Variants in DMXL1 observed in about 807,000 individuals in gnomAD.
DMXL1 encodes dmX-like protein 1.
A neutral mutation model predicts 319.2 loss-of-function variants in DMXL1; 99 were observed. That is an observed-to-expected ratio of 0.31 (90% CI 0.26 to 0.37). The LOEUF (loss-of-function observed/expected upper bound fraction) is 0.37, where lower values mean the gene tolerates loss of function less well. Ranked by LOEUF, DMXL1 falls within the 10% of genes least tolerant of loss-of-function variation. The probability of loss-of-function intolerance (pLI) is 1.00; values close to 1 mark genes in which losing one functional copy is unlikely to be tolerated. For missense variants in DMXL1, 3,745 were observed against 3,595.6 expected (o/e 1.04, Z -1.06); for synonymous variants, 1,385 against 1,235.2 (o/e 1.12, Z -2.54).
At position 119,237,366 on chromosome 5, in the gene DMXL1, A is replaced by C. The variant is rs751342441; in HGVS notation, c.8511A>C (p.Thr2837=). 6.2e-7 allele frequency: 1 copy of C among 1,604,414 alleles called. No individual in the cohort carries two copies. The highest frequency in any genetic ancestry group is 2.2e-5 in the East Asian group (1 of 44,688). Reference sequence around the variant, plus strand: ...ATGGATATTTAAGTTTGTATCAAACAAACTGGAAATGTTGTCCAGTTACTG... The same window carrying C: ...ATGGATATTTAAGTTTGTATCAAACCAACTGGAAATGTTGTCCAGTTACTG... ...DADGYLSLYQ[T]NWKCCPVTGS... is the part of the protein sequence containing the mutation. The change falls in exon 40 of 44, where the codon ACA becomes ACC. Residue 2837 remains threonine, a synonymous_variant. Coordinates refer to ENST00000539542, the MANE Select transcript of DMXL1 (RefSeq NM_001290321.3).
chr5:119,171,145 A>G lies in DMXL1; in HGVS notation c.6354A>G (p.Glu2118=), dbSNP rs774306877. ...AACAACTGAGAGAAAATTTTCAGGA[A>G]AAAAGACAGTGGCTCTTGAAGTATC... ...KVKQLRENFQ[E]KRQWLLKYQS... The change falls in exon 24 of 44, where the codon GAA becomes GAG. Residue 2118 remains glutamate, a synonymous_variant. Transcript: ENST00000539542. 1 of 1,614,006 alleles carries G rather than the reference A, an allele frequency of 6.2e-7. No homozygotes were observed. The highest frequency in any genetic ancestry group is 2.2e-5 in the East Asian group (1 of 44,872).
chr5:119,177,946 A>G lies in DMXL1; in HGVS notation c.6887-50A>G, dbSNP rs771629454. ...TTAGAAAAATATAGTTAATTTTTAA[A>G]ATTTTAAAAATTTATAGTCAGTGAC... On this transcript the variant is annotated intron_variant, in intron 27 of 43. Coordinates refer to ENST00000539542, the MANE Select transcript of DMXL1 (RefSeq NM_001290321.3). 4.7e-6 allele frequency: 7 copies of G among 1,478,356 alleles called. No homozygotes were observed. The African/African-American group carries it at 8.6e-5, about 18-fold the overall frequency. 91.6% of individuals were successfully genotyped at this position (1,478,356 alleles called of 1,614,324 possible). A position where few individuals can be genotyped will look rare whatever the true frequency, so the allele number is the denominator to read the frequency against.
In DMXL1 at chr5:119,149,327, C is replaced by T; in HGVS notation, c.3500C>T (p.Pro1167Leu). The change falls in exon 18 of 44, where the codon CCC becomes CTC. Residue 1167 changes from proline (P) to leucine (L), a missense_variant. Physicochemically the swap from Pro to Leu is moderately conservative, Grantham distance 98 (BLOSUM62 -3). Coordinates refer to ENST00000539542, the MANE Select transcript of DMXL1 (RefSeq NM_001290321.3). ...GIGSKLFMYG[P>L]LAGKVQDQTG... ...GGATCAAAACTTTTTATGTATGGAC[C>T]CCTGGCTGGCAAGGTACAAGACCAA... The T allele has an allele frequency of 6.2e-7, 1 of 1,613,838 alleles. No individual in the cohort carries two copies. The highest frequency in any genetic ancestry group is 8.5e-7 in the Non-Finnish European group (1 of 1,179,882).
At chr5:119,075,445 G>C (rs1476218178) in intron 1 of DMXL1, among the ~76,000 whole-genome samples, 2 of 151,500 alleles carry the variant, frequency 1.3e-5, no homozygotes, top group African/African-American at 4.8e-5. Flanking sequence ...CATCATGTTG[G>C]CCAGGCTGGT....
intron 1 of DMXL1, among the ~76,000 whole-genome samples, chr5:119,089,052 A>G (rs993748133): frequency 4.0e-5 from 6 of 151,386 alleles, no homozygotes; most frequent in African/African-American, 9.7e-5. Flanking sequence ...CATTTTTGCA[A>G]GTCTTAATGG....
At chr5:119,164,832 A>G (rs556869605) in intron 20 of DMXL1, among the ~76,000 whole-genome samples, 156 bp downstream of exon 20, 14 of 152,358 alleles carry the variant, frequency 9.2e-5, no homozygotes, top group South Asian at 2.1e-4. Flanking sequence ...GTGTTTCAAA[A>G]TATCTAAAGT....
chr5:119,096,936 T>G (rs777563442), intron 1 of DMXL1, among the ~76,000 whole-genome samples: 1 of 152,216 alleles, frequency 6.6e-6, no homozygotes, highest in Non-Finnish European at 1.5e-5. Flanking sequence ...TTTTTGGAAT[T>G]TAACTTTTAA....
At position 119,113,916 on chromosome 5, in the gene DMXL1, G is replaced by A. The variant is rs115978062; in HGVS notation, c.498-559G>A. Among the ~76,000 whole-genome samples the A allele has an allele frequency of 4.1e-3, 630 of 152,314 alleles. 6 individuals are homozygous for A. Among genetic ancestry groups the A allele is most frequent in the African/African-American group, 0.015 (610 of 41,562 alleles). On this transcript the variant is annotated intron_variant, in intron 5 of 43. Transcript: ENST00000539542. ...AAGGAAAGCAGTGATAGTGGTGAGTGTCTTGAGATCAGTATATATGAGTAG... is the reference window on the plus strand; with the variant it reads ...AAGGAAAGCAGTGATAGTGGTGAGTATCTTGAGATCAGTATATATGAGTAG...
rs1769241795 is a variant in DMXL1, at chr5:119,149,243, T to C, written c.3416T>C (p.Leu1139Ser). 1 of 1,613,852 alleles carries C rather than the reference T, an allele frequency of 6.2e-7. No individual in the cohort carries two copies. Among genetic ancestry groups the C allele is most frequent in the Non-Finnish European group, 8.5e-7 (1 of 1,179,900 alleles). The change falls in exon 18 of 44, where the codon TTA (leucine) becomes TCA (serine). Residue 1139 changes from leucine (L) to serine (S), a missense_variant. Leu to Ser is a moderately radical substitution (Grantham distance 145). Transcript: ENST00000539542. Reference protein sequence around the residue: ...KENITSNTKHLVHLDWMSRED... With the variant: ...KENITSNTKHSVHLDWMSRED... ...AATATCACATCAAACACAAAGCATT[T>C]AGTTCACTTAGATTGGATGTCTAGA... is the stretch of plus-strand genomic sequence containing the variant.
intron 10 of DMXL1, among the ~76,000 whole-genome samples, 180 bp downstream of exon 10, chr5:119,129,603 A>T (rs561124105): frequency 1.3e-5 from 2 of 152,180 alleles, no homozygotes; most frequent in East Asian, 3.8e-4. Context: ...TTTCTTCCAC[A>T]TGGTTATTTA....
At chr5:119,117,587 G>T (rs1037635217) in intron 7 of DMXL1, among the ~76,000 whole-genome samples, 1 of 152,034 alleles carries the variant, frequency 6.6e-6, no homozygotes. Flanking sequence ...GAAGGGAGAG[G>T]TAGGGGACAG....
Position 119,085,167 on chromosome 5 carries a change from A to C in DMXL1, c.88-12812A>C, listed in dbSNP as rs143189358. 1.7e-3 allele frequency among the ~76,000 whole-genome samples: 260 copies of C among 151,952 alleles called. 1 individual carries two copies. Among genetic ancestry groups the C allele is most frequent in the African/African-American group, 6.1e-3 (252 of 41,448 alleles). ...AGCATGGTGAAACCCCGTCTCTATT[A>C]AAAATACAAAAAAATTAGCCAGGCA... On this transcript the variant is annotated intron_variant, in intron 1 of 43. Coordinates refer to ENST00000539542, the MANE Select transcript of DMXL1 (RefSeq NM_001290321.3).
chr5:119,240,004 C>T (rs1468830825), intron 41 of DMXL1, among the ~76,000 whole-genome samples: 1 of 151,128 alleles, frequency 6.6e-6, no homozygotes, highest in African/African-American at 2.4e-5. Context: ...CATGTTGGCT[C>T]ATGCCTGTAA....
At chr5:119,167,105 A>G (rs897035794) in intron 22 of DMXL1, among the ~76,000 whole-genome samples, 1 of 152,150 alleles carries the variant, frequency 6.6e-6, no homozygotes, top group African/African-American at 2.4e-5. Context: ...GCTCTCTATT[A>G]TTTGATGAAT....
intron 17 of DMXL1, among the ~76,000 whole-genome samples, chr5:119,147,920 G>T (rs1768944436): frequency 6.6e-6 from 1 of 152,146 alleles, no homozygotes; most frequent in Non-Finnish European, 1.5e-5. Context: ...TTAGAAATTG[G>T]CCACTCCATT....
chr5:119,082,022 C>CAT (rs1561535726), intron 1 of DMXL1, among the ~76,000 whole-genome samples: 1 of 34,986 alleles, frequency 2.9e-5, no homozygotes, highest in Non-Finnish European at 7.5e-5. Flanking sequence ...TATATATATA[C>CAT]ACACACACAC....
At chr5:119,206,652 C>G (rs901951965) in intron 33 of DMXL1, 182 bp from the exon 34 acceptor site, 3 of 416,150 alleles carry the variant, frequency 7.2e-6, no homozygotes, top group African/African-American at 6.2e-5. Context: ...TGCTCATTTC[C>G]TAACCATGCA....
At position 119,178,041 on chromosome 5, in the gene DMXL1, C is replaced by T; in HGVS notation, c.6932C>T (p.Ala2311Val). The change falls in exon 28 of 44, where the codon GCC (alanine) becomes GTC (valine). Residue 2311 changes from alanine to valine, a missense_variant. By Grantham distance (64) the Ala-to-Val change is moderately conservative. Around this residue, in one of 4 missense-constraint regions of DMXL1, gnomAD observed 1,382 missense variants for 1,269.5 expected, o/e 1.09. Transcript: ENST00000539542. ...CTTTTGAATTCTTCTGGCGAGGAAG[C>T]CCAGTCAGGGCTTACAGTCTTGCTC... is the stretch of plus-strand genomic sequence containing the variant. ...IRLLNSSGEE[A>V]QSGLTVLLCE... The T allele has an allele frequency of 1.2e-6, 2 of 1,611,382 alleles. No individual in the cohort carries two copies. Among genetic ancestry groups the T allele is most frequent in the Non-Finnish European group, 1.7e-6 (2 of 1,178,490 alleles).
intron 32 of DMXL1, among the ~76,000 whole-genome samples, chr5:119,200,010 C>G (rs926511702): frequency 4.6e-5 from 7 of 152,042 alleles, no homozygotes; most frequent in Non-Finnish European, 5.9e-5. Flanking sequence ...TATTTTCTCC[C>G]ATTTCTGTAG....
Sources: gnomAD v4.1 joint callset for allele counts (sites outside exome capture counted in the v4.1 genomes callset) on GRCh38, gnomAD v4.1.1 for gene constraint, gnomAD v4.1.1 regional missense constraint, MANE v1.5 for transcripts, NCBI Gene and HGNC (gene_info 2026-07-23, HGNC 2026-07-21) for gene names.